Variants in FMNL2 observed in about 807,000 individuals in gnomAD.
FMNL2 encodes the protein formin-like protein 2.
A neutral mutation model predicts 130.2 loss-of-function variants in FMNL2; 51 were observed. That is an observed-to-expected ratio of 0.39 (90% confidence interval 0.31 to 0.49). FMNL2 has a LOEUF of 0.49. Ranked by LOEUF, FMNL2 falls within the 20% of genes least tolerant of loss-of-function variation. The pLI is 0.85. For missense variants in FMNL2, 977 were observed against 1,316.2 expected, an observed-to-expected ratio of 0.74 and a Z score of 3.99; for synonymous variants, 465 against 467.1, an observed-to-expected ratio of 1.00 and a Z score of 0.06.
At chr2:152,459,577 C>G (rs1689132279) in intron 1 of FMNL2, among the ~76,000 whole-genome samples, 1 of 152,068 alleles carries the variant, frequency 6.6e-6, no homozygotes, top group Admixed American at 6.6e-5. Flanking sequence ...TTCCTATCAA[C>G]TTTATAGACG....
intron 1 of FMNL2, among the ~76,000 whole-genome samples, chr2:152,423,045 T>C (rs969154077): frequency 1.3e-5 from 2 of 152,238 alleles, no homozygotes; most frequent in East Asian, 1.9e-4. Context: ...TTTTTTATTT[T>C]AATTTTTGTG....
rs866996204 is a variant in FMNL2, at chr2:152,639,999, A to T, written c.2988A>T (p.Gln996His). ...EENELRKKQE[Q>H]ALMEKLLEQE... is the part of the protein sequence containing the mutation. ...ATGAGCTGAGGAAAAAGCAGGAACA[A>T]GCTCTCATGGAAAAACTCCTAGAGC... Residue 996 changes from glutamine to histidine, a missense_variant, in exon 24 of 26, where the codon CAA becomes CAT. By Grantham distance (24) the Gln-to-His change is conservative. Transcript: ENST00000288670. 1 of 1,559,406 alleles carries T rather than the reference A, an allele frequency of 6.4e-7. No homozygotes were observed. The highest frequency in any genetic ancestry group is 8.7e-7 in the Non-Finnish European group (1 of 1,151,856).
At chr2:152,628,628 G>A in intron 18 of FMNL2, 95 bp downstream of exon 18, 2 of 1,054,264 alleles carry the variant, frequency 1.9e-6, no homozygotes, top group Non-Finnish European at 2.8e-6. Context: ...AGTGTGATGG[G>A]TTCTAAAGAC....
intron 10 of FMNL2, among the ~76,000 whole-genome samples, chr2:152,608,033 T>C (rs1446366831): frequency 1.3e-5 from 2 of 152,108 alleles, no homozygotes; most frequent in Non-Finnish European, 2.9e-5. Flanking sequence ...TCAAAGTGAG[T>C]TGCAGCACTT....
chr2:152,341,940 A>C (rs929730029), intron 1 of FMNL2, among the ~76,000 whole-genome samples: 1 of 152,220 alleles, frequency 6.6e-6, no homozygotes, highest in African/African-American at 2.4e-5. Context: ...TTTGCAGCCC[A>C]AGAAGATAGG....
At chr2:152,486,688 T>C (rs1690846062) in intron 1 of FMNL2, among the ~76,000 whole-genome samples, 1 of 152,250 alleles carries the variant, frequency 6.6e-6, no homozygotes, top group South Asian at 2.1e-4. Context: ...CAGGCTTTAC[T>C]TTCTTCAGAG....
intron 15 of FMNL2, among the ~76,000 whole-genome samples, chr2:152,620,324 G>A (rs991720667): frequency 6.6e-6 from 1 of 152,042 alleles, no homozygotes; most frequent in African/African-American, 2.4e-5. Flanking sequence ...ATGTCCTCTT[G>A]CCAACCAGAA....
chr2:152,486,862 C>T (rs1268421371), intron 1 of FMNL2, among the ~76,000 whole-genome samples: 1 of 152,114 alleles, frequency 6.6e-6, no homozygotes, highest in African/African-American at 2.4e-5. Context: ...TTACGTAATC[C>T]TACTATTTGA....
intron 2 of FMNL2, among the ~76,000 whole-genome samples, chr2:152,522,412 C>G (rs921699579): frequency 6.6e-6 from 1 of 152,176 alleles, no homozygotes; most frequent in Non-Finnish European, 1.5e-5. Context: ...AATATTGTGA[C>G]TGTTACTGTT....
At chr2:152,458,883 G>A (rs1175034597) in intron 1 of FMNL2, among the ~76,000 whole-genome samples, 3 of 152,182 alleles carry the variant, frequency 2.0e-5, no homozygotes, top group Non-Finnish European at 4.4e-5. Context: ...AAGTTTTAAT[G>A]AAGAGAGTGT....
intron 2 of FMNL2, among the ~76,000 whole-genome samples, chr2:152,525,090 G>C (rs1044891321): frequency 2.0e-5 from 3 of 152,086 alleles, no homozygotes; most frequent in Non-Finnish European, 2.9e-5. Context: ...CCAATGCCAA[G>C]GTCACCCAGA....
intron 9 of FMNL2, among the ~76,000 whole-genome samples, chr2:152,583,453 G>A (rs554843639): frequency 6.6e-6 from 1 of 152,318 alleles, no homozygotes; most frequent in East Asian, 1.9e-4. Context: ...CAAGAAAGGG[G>A]AGTGTGGGCA....
intron 25 of FMNL2, 48 bp from the exon 26 acceptor site, chr2:152,647,748 A>C (rs1280164610): frequency 6.3e-7 from 1 of 1,576,282 alleles, no homozygotes; most frequent in Non-Finnish European, 8.7e-7. Context: ...GCTTAGACAC[A>C]TGCTATTAAA....
At chr2:152,600,763 T>C (rs542296642) in intron 9 of FMNL2, among the ~76,000 whole-genome samples, 1 of 152,078 alleles carries the variant, frequency 6.6e-6, no homozygotes, top group Non-Finnish European at 1.5e-5. Flanking sequence ...TTGCTTTTGC[T>C]TCAATTCTCC....
chr2:152,344,355 G>A (rs1252053619), intron 1 of FMNL2, among the ~76,000 whole-genome samples: 1 of 147,698 alleles, frequency 6.8e-6, no homozygotes, highest in East Asian at 1.9e-4. Flanking sequence ...AAGCCAATTT[G>A]CCTATGAGTT....
intron 20 of FMNL2, among the ~76,000 whole-genome samples, chr2:152,630,614 C>T (rs950273324): frequency 2.0e-5 from 3 of 152,144 alleles, no homozygotes; most frequent in Non-Finnish European, 4.4e-5. Flanking sequence ...TTGAGTCCCC[C>T]GACCAGGGAG....
intron 22 of FMNL2, 62 bp from the exon 23 acceptor site, chr2:152,637,511 C>T: frequency 7.5e-7 from 1 of 1,335,108 alleles, no homozygotes; most frequent in Non-Finnish European, 1.1e-6. Context: ...CAGCGTTCCC[C>T]CTAGAGCATC....
chr2:152,423,067 G>A (rs1687003825), intron 1 of FMNL2, among the ~76,000 whole-genome samples: 1 of 152,110 alleles, frequency 6.6e-6, no homozygotes, highest in East Asian at 1.9e-4. Context: ...GTACATAGTA[G>A]GCATATATAT....
intron 6 of FMNL2, among the ~76,000 whole-genome samples, chr2:152,567,979 C>T (rs1695948620): frequency 6.6e-6 from 1 of 152,136 alleles, no homozygotes; most frequent in Admixed American, 6.5e-5. Context: ...TGTGGAAAAC[C>T]TTTTTGCTAG....
Sources: gnomAD v4.1 joint callset for allele counts (sites outside exome capture counted in the v4.1 genomes callset) on GRCh38, gnomAD v4.1.1 for gene constraint, MANE v1.5 for transcripts, NCBI Gene and HGNC (gene_info 2026-07-23, HGNC 2026-07-21) for gene names.